CXCL9: variants seen among roughly 807,000 people sequenced by gnomAD.
CXCL9 encodes the protein C-X-C motif chemokine 9.
In CXCL9, 8 loss-of-function variants were observed where a neutral mutation model predicts 11.7. The ratio of observed to expected loss-of-function variants is 0.68; its 90% CI spans 0.40 to 1.23. The LOEUF (loss-of-function observed/expected upper bound fraction) is 1.23, where lower values mean the gene tolerates loss of function less well. CXCL9 is among the 50% of genes most tolerant of loss of function. The probability of loss-of-function intolerance (pLI) is 0.01; values close to 1 mark genes in which losing one functional copy is unlikely to be tolerated. For missense variants in CXCL9, 133 were observed against 141.7 expected, an observed-to-expected ratio of 0.94 and a Z score of 0.31; for synonymous variants, 43 against 48.2, an observed-to-expected ratio of 0.89 and a Z score of 0.45.
rs1731481557 is a variant in CXCL9 at position 76,002,275 on chromosome 4, C to T, written c.*1323G>A. On this transcript the variant is annotated 3_prime_UTR_variant, in exon 4 of 4. Transcript: ENST00000264888. ...TTTCATTGTAAGATTATATGATTTT[C>T]GGTAAACTGTATATTTTTTAAAAAC... 3 of 398,192 alleles carry T rather than the reference C, an allele frequency of 7.5e-6. No individual in the cohort carries two copies. Among genetic ancestry groups the T allele is most frequent in the Admixed American group, 4.4e-5 (1 of 22,692 alleles). The allele number at this position is 398,192 out of a possible 1,614,324, so 24.7% of individuals were successfully genotyped here.
intron 3 of CXCL9, 82 bp downstream of exon 3, chr4:76,004,727 A>G (rs1731551058): frequency 6.7e-7 from 1 of 1,502,058 alleles, no homozygotes; most frequent in Admixed American, 2.3e-5. Context: ...GTATTCTTAT[A>G]GTGTTAATGA....
chr4:76,004,117 A>G (rs1731532522), intron 3 of CXCL9, among the ~76,000 whole-genome samples: 1 of 152,130 alleles, frequency 6.6e-6, no homozygotes, highest in East Asian at 1.9e-4. Flanking sequence ...TCCCACCCAC[A>G]TATTCTGTGG....
chr4:76,002,294 T>TA lies in CXCL9; in HGVS notation c.*1303dup. 2.5e-6 allele frequency: 1 copy of TA among 398,530 alleles called. No individual in the cohort carries two copies. The highest frequency in any genetic ancestry group is 4.4e-6 in the Non-Finnish European group (1 of 226,020). 24.7% of individuals were successfully genotyped at this position (398,530 alleles called of 1,614,324 possible). A position where few individuals can be genotyped will look rare whatever the true frequency, so the allele number is the denominator to read the frequency against. ...GATTTTCGGTAAACTGTATATTTTT[T>TA]AAAAACAGTCCAGAATATCCGCAAG... On this transcript the variant is annotated 3_prime_UTR_variant, in exon 4 of 4. Transcript: ENST00000264888.
At chr4:76,007,185 C>T (rs571298237) in intron 1 of CXCL9, among the ~76,000 whole-genome samples, 1 of 152,258 alleles carries the variant, frequency 6.6e-6, no homozygotes, top group South Asian at 2.1e-4. Flanking sequence ...ATTCATACAC[C>T]TAGACTACAA....
intron 2 of CXCL9, 27 bp from the exon 3 acceptor site, chr4:76,004,920 T>G: frequency 6.6e-7 from 1 of 1,510,560 alleles, no homozygotes; most frequent in South Asian, 1.4e-5. Context: ...AATGAGATAG[T>G]TTTTTCTCAT....
chr4:76,004,746 ATTCT>A, intron 3 of CXCL9, 59 bp downstream of exon 3: 4 of 1,557,830 alleles, frequency 2.6e-6, no homozygotes, highest in Non-Finnish European at 3.5e-6. Context: ...GAAAAAGCAG[ATTCT>A]TTGTCTTCTA....
intron 3 of CXCL9, among the ~76,000 whole-genome samples, chr4:76,004,592 C>A (rs72653611): frequency 6.6e-4 from 101 of 152,198 alleles, no homozygotes; most frequent in Non-Finnish European, 8.5e-4. Flanking sequence ...CTCTGTACCC[C>A]CAAGGAACAC....
In CXCL9 at chr4:76,003,446, T is replaced by C; in HGVS notation, c.*152A>G. ...ACGTTTGGATTCTTAAAATCAACTT[T>C]CTAACTTTAGTTACAATTTCAGAGT... On this transcript the variant is annotated 3_prime_UTR_variant, in exon 4 of 4. Coordinates refer to ENST00000264888, the MANE Select transcript of CXCL9 (RefSeq NM_002416.3). 1.7e-6 allele frequency: 1 copy of C among 575,012 alleles called. No homozygotes were observed. Among genetic ancestry groups the C allele is most frequent in the Non-Finnish European group, 3.1e-6 (1 of 326,976 alleles). The allele number at this position is 575,012 out of a possible 1,614,324, so 35.6% of individuals were successfully genotyped here.
rs749573598 is a variant in CXCL9 at position 76,003,647 on chromosome 4, A to G, written c.329T>C (p.Val110Ala). 1 of 1,612,916 alleles carries G rather than the reference A, an allele frequency of 6.2e-7. No homozygotes were observed. Among genetic ancestry groups the G allele is most frequent in the African/African-American group, 1.3e-5 (1 of 74,994 alleles). Residue 110 changes from valine (V) to alanine (A), a missense_variant, in exon 4 of 4, where the codon GTT becomes GCT. Coordinates refer to ENST00000264888, the MANE Select transcript of CXCL9 (RefSeq NM_002416.3). The stretch of plus-strand genomic sequence containing the variant: ...ACGTTGAGATTTTCGAACTTTCAGA[A>G]CTTTCTTTTTTTGATGTTTTTTCCC... ...KNGKKHQKKK[V>A]LKVRKSQRSR...
At chr4:76,004,944 GCTT>G (rs1731556874) in intron 2 of CXCL9, 51 bp from the exon 3 acceptor site, 4 of 1,478,306 alleles carry the variant, frequency 2.7e-6, no homozygotes, top group South Asian at 1.5e-5. Context: ...TAATTTAAAT[GCTT>G]CTTCTCAGAA....
At position 76,006,242 on chromosome 4, in the gene CXCL9, AG is replaced by A. The variant is rs751701970; in HGVS notation, c.96del (p.Cys33AlafsTer14). Reference sequence around the variant, plus strand: ...ATAGTCCCTTGGTTGGTGCTGATGCAGGAACAGCGACCCTTTCTCACTACTG... The same window carrying A: ...ATAGTCCCTTGGTTGGTGCTGATGCAGAACAGCGACCCTTTCTCACTACTG... ...GTPVVRKGRC[S>X]CISTNQGTIH... On this transcript the variant is annotated frameshift_variant, in exon 2 of 4. Coordinates refer to ENST00000264888, the MANE Select transcript of CXCL9 (RefSeq NM_002416.3). LOFTEE classifies it high-confidence loss of function. 2.2e-5 allele frequency: 36 copies of A among 1,613,662 alleles called. No individual in the cohort carries two copies. The highest frequency in any genetic ancestry group is 3.1e-5 in the Non-Finnish European group (36 of 1,179,726).
chr4:76,004,128 C>T (rs1731532872), intron 3 of CXCL9, among the ~76,000 whole-genome samples: 1 of 152,162 alleles, frequency 6.6e-6, no homozygotes, highest in Non-Finnish European at 1.5e-5. Flanking sequence ...TATTCTGTGG[C>T]TCTCTTCAAA....
At chr4:76,004,321 T>G (rs778260699) in intron 3 of CXCL9, among the ~76,000 whole-genome samples, 1 of 152,200 alleles carries the variant, frequency 6.6e-6, no homozygotes, top group Non-Finnish European at 1.5e-5. Context: ...TGGCAAATTA[T>G]TTATCCTTCA....
At position 76,001,375 on chromosome 4, in the gene CXCL9, A is replaced by G. The variant is rs1731460000; in HGVS notation, c.*2223T>C. 1 of 152,234 alleles carries G rather than the reference A, an allele frequency of 6.6e-6. No individual in the cohort carries two copies. Among genetic ancestry groups the G allele is most frequent in the Admixed American group, 6.5e-5 (1 of 15,284 alleles). The allele number at this position is 152,234 out of a possible 1,614,324, so 9.4% of individuals were successfully genotyped here. A position where few individuals can be genotyped will look rare whatever the true frequency, so the allele number is the denominator to read the frequency against. ...ACTAGTGTTACACTTTATTTGAGAG[A>G]AAGCTAAAAAGTAAATAAGGACATA... On this transcript the variant is annotated 3_prime_UTR_variant, in exon 4 of 4. Coordinates refer to ENST00000264888, the MANE Select transcript of CXCL9 (RefSeq NM_002416.3).
rs984808954 is a variant in CXCL9 at position 76,001,391 on chromosome 4, T to G, written c.*2207A>C. ...ATTTGAGAGAAAGCTAAAAAGTAAA[T>G]AAGGACATATAAGATTTACTATTAA... On this transcript the variant is annotated 3_prime_UTR_variant, in exon 4 of 4. Coordinates refer to ENST00000264888, the MANE Select transcript of CXCL9 (RefSeq NM_002416.3). The G allele has an allele frequency of 2.0e-5, 3 of 152,058 alleles. No individual in the cohort carries two copies. Among genetic ancestry groups the G allele is most frequent in the African/African-American group, 7.2e-5 (3 of 41,392 alleles). 9.4% of individuals were successfully genotyped at this position (152,058 alleles called of 1,614,324 possible). A position where few individuals can be genotyped will look rare whatever the true frequency, so the allele number is the denominator to read the frequency against.
At position 76,001,730 on chromosome 4, in the gene CXCL9, T is replaced by A. The variant is rs1302820394; in HGVS notation, c.*1868A>T. On this transcript the variant is annotated 3_prime_UTR_variant, in exon 4 of 4. Coordinates refer to ENST00000264888, the MANE Select transcript of CXCL9 (RefSeq NM_002416.3). Reference sequence around the variant, plus strand: ...CTCTCAAATTTATGAAACACTTAGATTTTTCAGGGAAGTTACATGAAGGAA... The same window carrying A: ...CTCTCAAATTTATGAAACACTTAGAATTTTCAGGGAAGTTACATGAAGGAA... 6.6e-6 allele frequency: 1 copy of A among 152,520 alleles called. No homozygotes were observed. Among genetic ancestry groups the A allele is most frequent in the Non-Finnish European group, 1.5e-5 (1 of 68,266 alleles). 9.4% of individuals were successfully genotyped at this position (152,520 alleles called of 1,614,324 possible). A position where few individuals can be genotyped will look rare whatever the true frequency, so the allele number is the denominator to read the frequency against.
chr4:76,002,656 A>G lies in CXCL9; in HGVS notation c.*942T>C, dbSNP rs1027444633. On this transcript the variant is annotated 3_prime_UTR_variant, in exon 4 of 4. Transcript: ENST00000264888. Reference sequence around the variant, plus strand: ...ATCTGGTTGGAGAGATAGGATAAACACCCAAGAATTAGTTAACCATTGAGT... The same window carrying G: ...ATCTGGTTGGAGAGATAGGATAAACGCCCAAGAATTAGTTAACCATTGAGT... The G allele has an allele frequency of 1.9e-5, 6 of 308,790 alleles. No individual in the cohort carries two copies. The highest frequency in any genetic ancestry group is 3.5e-5 in the Non-Finnish European group (6 of 170,152). 19.1% of individuals were successfully genotyped at this position (308,790 alleles called of 1,614,324 possible). A position where few individuals can be genotyped will look rare whatever the true frequency, so the allele number is the denominator to read the frequency against.
chr4:76,002,279 A>C lies in CXCL9; in HGVS notation c.*1319T>G. 1 of 398,530 alleles carries C rather than the reference A, an allele frequency of 2.5e-6. No individual in the cohort carries two copies. Among genetic ancestry groups the C allele is most frequent in the Non-Finnish European group, 4.4e-6 (1 of 226,018 alleles). 24.7% of individuals were successfully genotyped at this position (398,530 alleles called of 1,614,324 possible). A position where few individuals can be genotyped will look rare whatever the true frequency, so the allele number is the denominator to read the frequency against. On this transcript the variant is annotated 3_prime_UTR_variant, in exon 4 of 4. Transcript: ENST00000264888. ...ATTGTAAGATTATATGATTTTCGGT[A>C]AACTGTATATTTTTTAAAAACAGTC... is the stretch of plus-strand genomic sequence containing the variant.
Position 76,003,382 on chromosome 4 carries a change from TAGA to T in CXCL9, c.*213_*215del. ...ATGATGAAATTCAACTGGTGGGTGG[TAGA>T]AGAACAAAGACAATCATAGCCTTTA... is the stretch of plus-strand genomic sequence containing the variant. On this transcript the variant is annotated 3_prime_UTR_variant, in exon 4 of 4. Transcript: ENST00000264888. 1 of 503,026 alleles carries T rather than the reference TAGA, an allele frequency of 2.0e-6. No individual in the cohort carries two copies. The highest frequency in any genetic ancestry group is 2.6e-5 in the South Asian group (1 of 38,292). The allele number at this position is 503,026 out of a possible 1,614,324, so 31.2% of individuals were successfully genotyped here.
Sources: allele counts gnomAD v4.1 joint callset (sites outside exome capture counted in the v4.1 genomes callset), GRCh38; gene constraint gnomAD v4.1.1; transcripts MANE v1.5; gene names NCBI Gene and HGNC (gene_info 2026-07-23, HGNC 2026-07-21).